Variants in ATIC observed in about 807,000 individuals in gnomAD.
The protein encoded by ATIC is bifunctional purine biosynthesis protein ATIC.
A neutral mutation model predicts 72.5 loss-of-function variants in ATIC; 64 were observed. The ratio of observed to expected loss-of-function variants is 0.88; its 90% CI spans 0.72 to 1.09. The LOEUF is 1.09. Among genes scored for constraint, ATIC ranks in the 50% least tolerant of loss-of-function variants. ATIC has a pLI of 0.00. For missense variants in ATIC, 787 were observed against 732.4 expected (o/e 1.07, Z -0.86); for synonymous variants, 281 against 267.1 (o/e 1.05, Z -0.51).
At chr2:215,362,086 G>T in the ATIC span, 3 of 1,608,870 alleles carry the variant, frequency 1.9e-6, no homozygotes, top group Non-Finnish European at 2.6e-6. Context: ...AGCCCTGAGA[G>T]AGTAGAGGCA....
chr2:215,325,968 A>G lies in ATIC; in HGVS notation c.380-19A>G, dbSNP rs2177737. 1 of 1,613,760 alleles carries G rather than the reference A, an allele frequency of 6.2e-7. No individual in the cohort carries two copies. Among genetic ancestry groups the G allele is most frequent in the Non-Finnish European group, 8.5e-7 (1 of 1,179,724 alleles). On this transcript the variant is annotated intron_variant, in intron 5 of 15. Coordinates refer to ENST00000236959, the MANE Select transcript of ATIC (RefSeq NM_004044.7). Reference sequence around the variant, plus strand: ...TGATAGGGACATACAAAAATCAATAAGTCTTTTGTTCTTCAAAGGTGGAGT... The same window carrying G: ...TGATAGGGACATACAAAAATCAATAGGTCTTTTGTTCTTCAAAGGTGGAGT...
chr2:215,327,025 G>C, intron 7 of ATIC, 47 bp downstream of exon 7: 1 of 1,612,692 alleles, frequency 6.2e-7, no homozygotes, highest in South Asian at 1.1e-5. Flanking sequence ...CCTGGAGAGT[G>C]TGTGTTTCTC....
chr2:215,325,730 T>A (rs144194355), intron 5 of ATIC, among the ~76,000 whole-genome samples: 2,414 of 151,088 alleles, frequency 0.016, 52 homozygotes, highest in Middle Eastern at 0.051. Flanking sequence ...GCCTGGCTAA[T>A]TTTTTTTGTA....
intron 11 of ATIC, 35 bp downstream of exon 11, chr2:215,336,159 T>C (rs551003340): frequency 6.8e-7 from 1 of 1,473,920 alleles, no homozygotes; most frequent in Non-Finnish European, 9.5e-7. Flanking sequence ...GGTAATTTGC[T>C]CTTTTATTCT....
the ATIC span, chr2:215,361,696 G>A: frequency 1.6e-5 from 20 of 1,221,654 alleles, no homozygotes; most frequent in African/African-American, 2.5e-4. Context: ...AAAAAATGCG[G>A]GGAGGTGGGG....
At chr2:215,327,635 G>A (rs2052843282) in intron 7 of ATIC, among the ~76,000 whole-genome samples, 1 of 152,164 alleles carries the variant, frequency 6.6e-6, no homozygotes. Flanking sequence ...GTAGGGGCAG[G>A]GACAGAGGTG....
At chr2:215,312,269 G>C (rs1473198823) in intron 1 of ATIC, 108 bp downstream of exon 1, 8 of 1,450,180 alleles carry the variant, frequency 5.5e-6, no homozygotes, top group East Asian at 2.5e-5. Context: ...GGCGCTGCGG[G>C]ATTGAAAGCC....
At chr2:215,341,059 G>A (rs905630090) in intron 12 of ATIC, among the ~76,000 whole-genome samples, 15 of 152,190 alleles carry the variant, frequency 9.9e-5, no homozygotes, top group Non-Finnish European at 1.0e-4. Context: ...GGCCTTTTCA[G>A]TAGAATTGCT....
At chr2:215,329,716 A>C (rs931777506) in intron 7 of ATIC, among the ~76,000 whole-genome samples, 1 of 152,036 alleles carries the variant, frequency 6.6e-6, no homozygotes, top group Non-Finnish European at 1.5e-5. Context: ...GGCACTTTCT[A>C]TTTCAGTTAT....
intron 4 of ATIC, among the ~76,000 whole-genome samples, chr2:215,322,150 G>A (rs1264822523): frequency 1.3e-5 from 2 of 151,926 alleles, no homozygotes; most frequent in Non-Finnish European, 2.9e-5. Context: ...TTATCTGCCC[G>A]CCTTGGCCTC....
chr2:215,322,329 C>CTTTTTTTT (rs762086501), intron 4 of ATIC, among the ~76,000 whole-genome samples: 1 of 137,284 alleles, frequency 7.3e-6, no homozygotes, highest in Non-Finnish European at 1.6e-5. Context: ...TATTTTCTTT[C>CTTTTTTTT]TTTTTTTTTT....
At chr2:215,364,515 C>G in the ATIC span, 1 of 342,180 alleles carries the variant, frequency 2.9e-6, no homozygotes, top group Non-Finnish European at 5.6e-6. Flanking sequence ...TGAATAGTAT[C>G]TCTGCTTCAC....
downstream of ATIC, among the ~76,000 whole-genome samples, chr2:215,350,217 A>G (rs1183522102): frequency 6.6e-6 from 1 of 151,996 alleles, no homozygotes; most frequent in Non-Finnish European, 1.5e-5. Flanking sequence ...GCTCACTGCA[A>G]CCTCCGCCTC....
chr2:215,368,040 G>C, the ATIC span: 1 of 1,613,802 alleles, frequency 6.2e-7, no homozygotes, highest in African/African-American at 1.3e-5. Flanking sequence ...ATGAAGAAAA[G>C]GAAGAAAAAG....
the ATIC span, chr2:215,364,983 C>T: frequency 1.9e-6 from 3 of 1,562,294 alleles, no homozygotes; most frequent in Admixed American, 1.9e-5. Context: ...CACGTTGCCT[C>T]ATCTGCATAT....
At chr2:215,323,799 G>C (rs2052794286) in intron 4 of ATIC, among the ~76,000 whole-genome samples, 1 of 152,094 alleles carries the variant, frequency 6.6e-6, no homozygotes, top group Admixed American at 6.5e-5. Context: ...TTAAGATGGC[G>C]TTTTGCTCTT....
intron 4 of ATIC, among the ~76,000 whole-genome samples, chr2:215,324,852 A>G (rs2052805398): frequency 6.6e-6 from 1 of 152,208 alleles, no homozygotes; most frequent in African/African-American, 2.4e-5. Context: ...TGTTCTGGAT[A>G]ATAGTGATCA....
At chr2:215,356,073 C>T in the ATIC span, among the ~76,000 whole-genome samples, 3 of 152,204 alleles carry the variant, frequency 2.0e-5, no homozygotes, top group East Asian at 3.8e-4. Flanking sequence ...TTCACATTGC[C>T]TTTCCCGCAC....
chr2:215,316,196 T>G (rs960265411), intron 2 of ATIC, among the ~76,000 whole-genome samples: 1 of 152,208 alleles, frequency 6.6e-6, no homozygotes, highest in Non-Finnish European at 1.5e-5. Context: ...CCCAAATGTT[T>G]AATTCTAGAA....
Sources: allele counts gnomAD v4.1 joint callset (sites outside exome capture counted in the v4.1 genomes callset), GRCh38; gene constraint gnomAD v4.1.1; transcripts MANE v1.5; gene names NCBI Gene and HGNC (gene_info 2026-07-23, HGNC 2026-07-21).